BANK1: variants seen among roughly 807,000 people sequenced by gnomAD.
BANK1 encodes B-cell scaffold protein with ankyrin repeats.
A neutral mutation model predicts 94.5 loss-of-function variants in BANK1; 95 were observed. The observed-to-expected ratio is 1.00, with a 90% CI of 0.85 to 1.19. BANK1 has a LOEUF of 1.19. Among genes scored for constraint, BANK1 ranks in the 50% most tolerant of loss-of-function variants. BANK1 has a pLI of 0.00. For missense variants in BANK1, 987 were observed against 932.2 expected (o/e 1.06, Z -0.77); for synonymous variants, 334 against 308.4 (o/e 1.08, Z -0.87).
At chr4:101,813,997 T>C in intron 1 of BANK1, 1 of 629,806 alleles carries the variant, frequency 1.6e-6, no homozygotes, top group Non-Finnish European at 2.0e-6. Context: ...TTGATACGTA[T>C]GATATAAATT....
rs1045516278 is a variant in BANK1, at chr4:102,021,835, A to G, written c.1285+243A>G. On this transcript the variant is annotated intron_variant, in intron 8 of 16. Transcript: ENST00000322953. The stretch of plus-strand genomic sequence containing the variant: ...GATTTTTCCTACCCAGAGGGAATAC[A>G]CAAATAACTCTGTTATGACTATGTG... Among the ~76,000 whole-genome samples, 3 of 152,254 alleles carry G rather than the reference A, an allele frequency of 2.0e-5. No individual in the cohort carries two copies. The South Asian group carries it at 6.2e-4, about 32-fold the overall frequency.
chr4:101,876,717 A>T (rs1378888453), intron 5 of BANK1, among the ~76,000 whole-genome samples: 1 of 152,244 alleles, frequency 6.6e-6, no homozygotes, highest in Non-Finnish European at 1.5e-5. Flanking sequence ...GGCACCAGGG[A>T]CTAATCATGA....
chr4:101,899,348 G>T (rs1016398296), intron 6 of BANK1, among the ~76,000 whole-genome samples: 20 of 152,230 alleles, frequency 1.3e-4, no homozygotes, highest in African/African-American at 4.8e-4. Context: ...GATTTGGCAT[G>T]TAAATTGACT....
intron 5 of BANK1, among the ~76,000 whole-genome samples, chr4:101,877,294 A>G (rs901103774): frequency 6.6e-6 from 1 of 152,178 alleles, no homozygotes; most frequent in Non-Finnish European, 1.5e-5. Flanking sequence ...TCCTTCAATC[A>G]GAAAGAAAAG....
Position 102,071,318 on chromosome 4 carries a change from A to G in BANK1, c.2242+14A>G. 3 of 1,612,806 alleles carry G rather than the reference A, an allele frequency of 1.9e-6. No homozygotes were observed. The highest frequency in any genetic ancestry group is 2.2e-5 in the South Asian group (2 of 91,034). On this transcript the variant is annotated intron_variant, in intron 14 of 16. Coordinates refer to ENST00000322953, the MANE Select transcript of BANK1 (RefSeq NM_017935.5). ...ACCATCCAGGTGGTAAGTGCTTGGT[A>G]TTTATTGAAGGATCTAAGACTAAAA... is the stretch of plus-strand genomic sequence containing the variant.
rs533747750 is a variant in BANK1, at chr4:102,017,879, T to A, written c.1207-3635T>A. On this transcript the variant is annotated intron_variant, in intron 7 of 16. Transcript: ENST00000322953. ...ATTTCTACTTTTATTTTCCTTGAGT[T>A]TAACAGCTTTATTTCTATTTTATTC... 7.9e-5 allele frequency among the ~76,000 whole-genome samples: 12 copies of A among 152,334 alleles called. No homozygotes were observed. In the East Asian group the frequency reaches 2.3e-3, roughly 29 times the overall value.
At chr4:101,804,702 A>C (rs546435228) in intron 1 of BANK1, among the ~76,000 whole-genome samples, 2 of 152,158 alleles carry the variant, frequency 1.3e-5, no homozygotes, top group Non-Finnish European at 2.9e-5. Context: ...TATCTTCCTT[A>C]TGATTTTCTT....
intron 10 of BANK1, among the ~76,000 whole-genome samples, chr4:102,035,647 C>CAAAA (rs10539905): frequency 8.0e-6 from 1 of 125,040 alleles, no homozygotes; most frequent in Non-Finnish European, 1.8e-5. Flanking sequence ...GACTCCGTCT[C>CAAAA]AAAAAAAAAA....
intron 7 of BANK1, among the ~76,000 whole-genome samples, chr4:101,930,804 A>G (rs1380152982): frequency 6.6e-6 from 1 of 151,516 alleles, no homozygotes; most frequent in Non-Finnish European, 1.5e-5. Flanking sequence ...ACATGGCACT[A>G]GATTACATCT....
chr4:102,069,096 G>C (rs1354553134), intron 13 of BANK1, among the ~76,000 whole-genome samples: 3 of 152,136 alleles, frequency 2.0e-5, no homozygotes, highest in Non-Finnish European at 4.4e-5. Flanking sequence ...TATGGATAAT[G>C]AGAGCCAGGT....
At chr4:102,044,427 A>G (rs574418861) in intron 11 of BANK1, among the ~76,000 whole-genome samples, 3 of 151,908 alleles carry the variant, frequency 2.0e-5, no homozygotes, top group Non-Finnish European at 4.4e-5. Flanking sequence ...AATCCAGTCT[A>G]TCATTGTTGG....
chr4:101,992,753 A>T (rs1163122931), intron 7 of BANK1, among the ~76,000 whole-genome samples: 1 of 152,190 alleles, frequency 6.6e-6, no homozygotes, highest in Non-Finnish European at 1.5e-5. Context: ...CTAAACATCA[A>T]AAGATAATGG....
chr4:101,881,216 A>T (rs1437453709), intron 5 of BANK1, among the ~76,000 whole-genome samples: 1 of 152,116 alleles, frequency 6.6e-6, no homozygotes, highest in Non-Finnish European at 1.5e-5. Flanking sequence ...GAGCTCAAAC[A>T]ACCCTATGGA....
intron 2 of BANK1, among the ~76,000 whole-genome samples, chr4:101,836,835 A>G (rs1237999484): frequency 1.3e-5 from 2 of 152,242 alleles, no homozygotes; most frequent in Non-Finnish European, 2.9e-5. Flanking sequence ...ATTATTTCAC[A>G]ATAAACTAAT....
intron 3 of BANK1, among the ~76,000 whole-genome samples, chr4:101,859,896 A>C (rs1308715991): frequency 1.3e-5 from 2 of 152,238 alleles, no homozygotes; most frequent in African/African-American, 4.8e-5. Flanking sequence ...TGAAAAACTA[A>C]TCAGGAGTAG....
chr4:101,834,147 G>A (rs570438358), intron 2 of BANK1, among the ~76,000 whole-genome samples: 1 of 152,114 alleles, frequency 6.6e-6, no homozygotes, highest in South Asian at 2.1e-4. Context: ...CAGTTGTTTT[G>A]TTTTATGATG....
intron 6 of BANK1, among the ~76,000 whole-genome samples, chr4:101,903,043 G>A (rs1722333692): frequency 6.6e-6 from 1 of 152,180 alleles, no homozygotes; most frequent in Admixed American, 6.5e-5. Context: ...AAAAAGAAGT[G>A]AATACCTTAA....
At chr4:101,904,207 A>G (rs897015011) in intron 6 of BANK1, among the ~76,000 whole-genome samples, 2 of 152,230 alleles carry the variant, frequency 1.3e-5, no homozygotes, top group Non-Finnish European at 2.9e-5. Flanking sequence ...TGACTACTAA[A>G]GGCCAGTTTT....
intron 11 of BANK1, among the ~76,000 whole-genome samples, chr4:102,049,030 T>G (rs3113677): frequency 1.3e-5 from 2 of 152,084 alleles, no homozygotes; most frequent in African/African-American, 4.8e-5. Flanking sequence ...AAATTTCTAG[T>G]CAGAAAACTG....
Sources: allele counts gnomAD v4.1 joint callset (sites outside exome capture counted in the v4.1 genomes callset), GRCh38; gene constraint gnomAD v4.1.1; transcripts MANE v1.5; gene names NCBI Gene and HGNC (gene_info 2026-07-23, HGNC 2026-07-21).